Variants in GMPR observed in about 807,000 individuals in gnomAD.
GMPR encodes the protein guanosine monophosphate reductase.
In GMPR, 31 loss-of-function variants were observed where a neutral mutation model predicts 38.4. The ratio of observed to expected loss-of-function variants is 0.81; its 90% CI spans 0.61 to 1.09. GMPR has a LOEUF of 1.09. Ranked by LOEUF, GMPR falls within the 50% of genes least tolerant of loss-of-function variation. The probability of loss-of-function intolerance (pLI) is 0.00; values close to 1 mark genes in which losing one functional copy is unlikely to be tolerated. For missense variants in GMPR, 468 were observed against 453.7 expected, an observed-to-expected ratio of 1.03 and a Z score of -0.29; for synonymous variants, 162 against 173.3, an observed-to-expected ratio of 0.93 and a Z score of 0.51.
At chr6:16,245,859 C>T (rs548881497) in intron 1 of GMPR, among the ~76,000 whole-genome samples, 117 of 152,282 alleles carry the variant, frequency 7.7e-4, no homozygotes, top group African/African-American at 2.6e-3. Flanking sequence ...GATCCAGGCC[C>T]GGAGGCAACC....
chr6:16,250,407 G>A (rs747398797), intron 3 of GMPR, 40 bp downstream of exon 3: 16 of 1,136,866 alleles, frequency 1.4e-5, no homozygotes, highest in Non-Finnish European at 2.1e-5. Context: ...AGTGCTGCAG[G>A]GGGGAACAAA....
At chr6:16,266,045 C>T (rs1759202135) in intron 4 of GMPR, among the ~76,000 whole-genome samples, 2 of 151,960 alleles carry the variant, frequency 1.3e-5, no homozygotes, top group African/African-American at 2.4e-5. Flanking sequence ...TCAGTGAGAC[C>T]ACGAACCCAG....
intron 5 of GMPR, among the ~76,000 whole-genome samples, chr6:16,278,229 A>AGGCCC (rs1283948067): frequency 6.6e-6 from 1 of 152,150 alleles, no homozygotes; most frequent in Non-Finnish European, 1.5e-5. Flanking sequence ...GCTGCAGGCC[A>AGGCCC]GGCCCTGGGC....
At chr6:16,241,395 C>T (rs575270306) in intron 1 of GMPR, among the ~76,000 whole-genome samples, 9 of 152,306 alleles carry the variant, frequency 5.9e-5, no homozygotes, top group African/African-American at 2.2e-4. Context: ...AGGACATTTC[C>T]ACCAGCCTTC....
rs537479073 is a variant in GMPR at position 16,286,547 on chromosome 6, GA to G, written c.697+724del. Among the ~76,000 whole-genome samples the G allele has an allele frequency of 2.0e-3, 283 of 143,160 alleles. 3 individuals carry two copies. Among genetic ancestry groups the G allele is most frequent in the South Asian group, 0.013 (57 of 4,524 alleles). The allele number at this position is 143,160 out of a possible 152,430, so 93.9% of individuals were successfully genotyped here. A position where few individuals can be genotyped will look rare whatever the true frequency, so the allele number is the denominator to read the frequency against. On this transcript the variant is annotated intron_variant, in intron 7 of 8. Coordinates refer to ENST00000259727, the MANE Select transcript of GMPR (RefSeq NM_006877.4). ...ATGCCTCCGCCCTTTGCTGATGCCA[GA>G]AAAAAAAAAAATGGTGGCAGGAAAC...
At chr6:16,285,460 G>T (rs1759661403) in intron 6 of GMPR, among the ~76,000 whole-genome samples, 1 of 152,218 alleles carries the variant, frequency 6.6e-6, no homozygotes, top group African/African-American at 2.4e-5. Context: ...GCTGGCATGG[G>T]ATGAGGGCTG....
chr6:16,276,861 A>G lies in GMPR; in HGVS notation c.548-1923A>G, dbSNP rs192311125. ...AAACGGATTCCCTGCCCCTCTAGTCAAGAGAAAGTATGCACCAACTTCTTC... is the reference window on the plus strand; with the variant it reads ...AAACGGATTCCCTGCCCCTCTAGTCGAGAGAAAGTATGCACCAACTTCTTC... On this transcript the variant is annotated intron_variant, in intron 5 of 8. Transcript: ENST00000259727. Among the ~76,000 whole-genome samples the G allele has an allele frequency of 2.1e-4, 32 of 152,358 alleles. 1 individual carries two copies. The East Asian group carries it at 5.8e-3, about 28-fold the overall frequency.
intron 4 of GMPR, among the ~76,000 whole-genome samples, chr6:16,261,981 C>T (rs763873183): frequency 1.3e-5 from 2 of 151,626 alleles, no homozygotes. Context: ...GGGAACTGGG[C>T]AGGTGGGGAT....
intron 4 of GMPR, among the ~76,000 whole-genome samples, chr6:16,265,871 C>T (rs577160488): frequency 4.8e-4 from 73 of 152,300 alleles, no homozygotes; most frequent in African/African-American, 1.4e-3. Flanking sequence ...TTTGGGTCCA[C>T]GCGACGTTTA....
chr6:16,281,974 C>T (rs1759582156), intron 6 of GMPR, among the ~76,000 whole-genome samples: 1 of 152,186 alleles, frequency 6.6e-6, no homozygotes, highest in Non-Finnish European at 1.5e-5. Flanking sequence ...CCATTGCCCC[C>T]ACACTCCCTT....
At chr6:16,260,115 G>C (rs1401253108) in intron 4 of GMPR, among the ~76,000 whole-genome samples, 1 of 152,046 alleles carries the variant, frequency 6.6e-6, no homozygotes, top group African/African-American at 2.4e-5. Flanking sequence ...CTGAGGACAG[G>C]TCTGACTTCT....
chr6:16,244,834 A>T (rs1291310282), intron 1 of GMPR, among the ~76,000 whole-genome samples: 1 of 152,174 alleles, frequency 6.6e-6, no homozygotes, highest in East Asian at 1.9e-4. Flanking sequence ...CATTCTTAGA[A>T]TTAACGATGG....
At chr6:16,292,471 A>G (rs933203365) in intron 8 of GMPR, among the ~76,000 whole-genome samples, 3 of 152,162 alleles carry the variant, frequency 2.0e-5, no homozygotes, top group Admixed American at 6.5e-5. Context: ...GACTGCACCA[A>G]TCAGAAATGA....
intron 4 of GMPR, among the ~76,000 whole-genome samples, chr6:16,256,426 A>G (rs1463207283): frequency 6.9e-6 from 1 of 145,164 alleles, no homozygotes; most frequent in Non-Finnish European, 1.5e-5. Flanking sequence ...GCTACTTGGG[A>G]GGCTGAGGCA....
At chr6:16,247,655 A>T (rs547423202) in intron 2 of GMPR, among the ~76,000 whole-genome samples, 180 of 152,336 alleles carry the variant, frequency 1.2e-3, no homozygotes, top group Non-Finnish European at 2.3e-3. Flanking sequence ...GATTACAGGC[A>T]TGAGTTACCA....
chr6:16,261,582 C>T (rs977545166), intron 4 of GMPR, among the ~76,000 whole-genome samples: 27 of 151,906 alleles, frequency 1.8e-4, no homozygotes, highest in Non-Finnish European at 3.4e-4. Context: ...GTTGATAAGG[C>T]GCAGATCCTG....
chr6:16,284,913 G>A (rs993661444), intron 6 of GMPR, among the ~76,000 whole-genome samples: 5 of 151,516 alleles, frequency 3.3e-5, no homozygotes, highest in African/African-American at 4.9e-5. Flanking sequence ...CAGCTACTCA[G>A]GAGGCTGAGG....
chr6:16,264,039 G>A (rs571934382), intron 4 of GMPR, among the ~76,000 whole-genome samples: 3 of 152,070 alleles, frequency 2.0e-5, no homozygotes, highest in East Asian at 3.9e-4. Context: ...AGGACTTGCC[G>A]CTAAGGGTGA....
chr6:16,253,847 A>G (rs1581649383), intron 3 of GMPR, among the ~76,000 whole-genome samples: 1 of 152,208 alleles, frequency 6.6e-6, no homozygotes, highest in South Asian at 2.1e-4. Context: ...TCTTCCTGGA[A>G]ACTTTTGGTT....
Sources: allele counts gnomAD v4.1 joint callset (sites outside exome capture counted in the v4.1 genomes callset), GRCh38; gene constraint gnomAD v4.1.1; transcripts MANE v1.5; gene names NCBI Gene and HGNC (gene_info 2026-07-23, HGNC 2026-07-21).